The following NRAP variants were observed in gnomAD, a reference collection of about 807,000 sequenced individuals.
The protein encoded by NRAP is nebulin related anchoring protein, also known as nebulin-related-anchoring protein.
A neutral mutation model predicts 225.9 loss-of-function variants in NRAP; 189 were observed. The ratio of observed to expected loss-of-function variants is 0.84; its 90% CI spans 0.74 to 0.94. NRAP has a LOEUF of 0.94. Among genes scored for constraint, NRAP ranks in the 40% least tolerant of loss-of-function variants. NRAP has a pLI of 0.00. For missense variants in NRAP, 2,176 were observed against 2,168.7 expected (o/e 1.00, Z -0.07); for synonymous variants, 769 against 790.7 (o/e 0.97, Z 0.46).
In NRAP at chr10:113,652,975, G is replaced by A; in HGVS notation, c.530C>T (p.Ala177Val). Residue 177 changes from alanine (A) to valine (V), a missense_variant, in exon 6 of 42, where the codon GCT becomes GTT. By Grantham distance (64) the Ala-to-Val change is moderately conservative. Around this residue, in one of 3 missense-constraint regions of NRAP, gnomAD observed 1,708 missense variants for 1,695.5 expected, o/e 1.01. Transcript: ENST00000359988. ...KGSFPAMITP[A>V]YQRAKKANQL... ...GTTGGCTTTCTTGGCCCTTTGATAA[G>A]CAGGTGTGATCATGGCTGGAAAGCT... 6.2e-7 allele frequency: 1 copy of A among 1,613,322 alleles called. No individual in the cohort carries two copies. Among genetic ancestry groups the A allele is most frequent in the Non-Finnish European group, 8.5e-7 (1 of 1,179,760 alleles).
intron 11 of NRAP, among the ~76,000 whole-genome samples, chr10:113,645,269 T>C (rs992345980): frequency 2.6e-5 from 4 of 152,226 alleles, no homozygotes; most frequent in Non-Finnish European, 4.4e-5. Flanking sequence ...TTGACAGCCC[T>C]GGGAGGATTT....
Position 113,629,630 on chromosome 10 carries a change from C to G in NRAP, c.1998G>C (p.Met666Ile). 1 of 1,614,100 alleles carries G rather than the reference C, an allele frequency of 6.2e-7. No homozygotes were observed. Among genetic ancestry groups the G allele is most frequent in the African/African-American group, 1.3e-5 (1 of 75,060 alleles). The change falls in exon 19 of 42, where the codon ATG (methionine) becomes ATC (isoleucine). Residue 666 changes from methionine to isoleucine, a missense_variant. Physicochemically the swap from Met to Ile is conservative, Grantham distance 10 (BLOSUM62 1). Around this residue, in one of 3 missense-constraint regions of NRAP, gnomAD observed 1,708 missense variants for 1,695.5 expected, o/e 1.01. Transcript: ENST00000359988. The stretch of plus-strand genomic sequence containing the variant: ...AGGCCTTCTTGGCCCACTGAGTCTT[C>G]ATATCTTCAGGCAGCACAGTGTATT... Reference protein sequence around the residue: ...LHEYTVLPEDMKTQWAKKAYG... With the variant: ...LHEYTVLPEDIKTQWAKKAYG...
chr10:113,641,360 C>T lies in NRAP; in HGVS notation c.1323+5G>A. On this transcript the variant is annotated splice_donor_5th_base_variant and intron_variant, in intron 13 of 41. Transcript: ENST00000359988. ...CCCAACAGACCCTGGCATAAAAGGA[C>T]TCACGTTGCTTGCCAGGCTGCCAAC... 1 of 1,594,764 alleles carries T rather than the reference C, an allele frequency of 6.3e-7. No individual in the cohort carries two copies. Among genetic ancestry groups the T allele is most frequent in the South Asian group, 1.1e-5 (1 of 90,520 alleles).
At chr10:113,624,256 A>C (rs1848162491) in intron 22 of NRAP, among the ~76,000 whole-genome samples, 1 of 152,198 alleles carries the variant, frequency 6.6e-6, no homozygotes, top group African/African-American at 2.4e-5. Context: ...GAGCCAAGAA[A>C]ACACTTTCCC....
Position 113,590,728 on chromosome 10 carries a change from G to C in NRAP, c.4806C>G (p.Ser1602Arg). Residue 1602 changes from serine to arginine, a missense_variant, in exon 40 of 42, where the codon AGC becomes AGG. Around this residue, in one of 3 missense-constraint regions of NRAP, gnomAD observed 445 missense variants for 426.1 expected, o/e 1.04. Coordinates refer to ENST00000359988, the MANE Select transcript of NRAP (RefSeq NM_198060.4). ...DFAKSRSQFH[S>R]STDQPGLLQA... ...GAAGGAGGCCGGGCTGGTCTGTGCT[G>C]CTGTGAAACTGGGACCGACTCTTGG... 2 of 1,614,206 alleles carry C rather than the reference G, an allele frequency of 1.2e-6. No homozygotes were observed. Among genetic ancestry groups the C allele is most frequent in the Non-Finnish European group, 1.7e-6 (2 of 1,180,036 alleles).
chr10:113,638,340 TC>T (rs1849001041), intron 14 of NRAP, among the ~76,000 whole-genome samples: 2 of 152,222 alleles, frequency 1.3e-5, no homozygotes, highest in South Asian at 4.1e-4. Context: ...GGTTTTTTTT[TC>T]TTTTTGCTAA....
chr10:113,654,578 T>C (rs1484148803), intron 4 of NRAP, among the ~76,000 whole-genome samples: 1 of 149,584 alleles, frequency 6.7e-6, no homozygotes, highest in Non-Finnish European at 1.5e-5. Context: ...CCTTGGGAGA[T>C]AAAACTAACA....
intron 8 of NRAP, 47 bp downstream of exon 8, chr10:113,650,391 A>T (rs373976173): frequency 5.0e-4 from 696 of 1,385,284 alleles, no homozygotes; most frequent in Non-Finnish European, 6.7e-4. Context: ...ACCCAGGTTC[A>T]CATTCCTCTT....
At chr10:113,609,861 T>C (rs1174549353) in intron 31 of NRAP, among the ~76,000 whole-genome samples, 1 of 151,552 alleles carries the variant, frequency 6.6e-6, no homozygotes, top group African/African-American at 2.4e-5. Flanking sequence ...ACAGAGAGAA[T>C]ATCGCATGGG....
At chr10:113,633,315 C>A in intron 15 of NRAP, 127 bp from the exon 16 acceptor site, 1 of 598,798 alleles carries the variant, frequency 1.7e-6, no homozygotes. Context: ...TTTTACAAGG[C>A]AGCCTGTACT....
chr10:113,623,670 T>G, intron 22 of NRAP, 34 bp from the exon 23 acceptor site: 2 of 1,430,450 alleles, frequency 1.4e-6, no homozygotes, highest in Non-Finnish European at 2.0e-6. Flanking sequence ...TGAGTGGGTT[T>G]TCATGTGAGA....
At chr10:113,620,784 C>G in intron 24 of NRAP, 76 bp from the exon 25 acceptor site, 1 of 980,992 alleles carries the variant, frequency 1.0e-6, no homozygotes, top group South Asian at 1.3e-5. Flanking sequence ...ATTAGCGGCT[C>G]CCAACACAGC....
chr10:113,659,554 C>T (rs1389982443), intron 3 of NRAP, among the ~76,000 whole-genome samples: 1 of 152,042 alleles, frequency 6.6e-6, no homozygotes, highest in Admixed American at 6.5e-5. Flanking sequence ...AGGGACCTTT[C>T]GTGAGATTCA....
At chr10:113,611,304 C>A (rs941998964) in intron 30 of NRAP, among the ~76,000 whole-genome samples, 3 of 152,130 alleles carry the variant, frequency 2.0e-5, no homozygotes, top group Admixed American at 6.5e-5. Flanking sequence ...GGCGTAAAAT[C>A]CAAACAGACG....
intron 20 of NRAP, among the ~76,000 whole-genome samples, chr10:113,628,027 A>G (rs1257988073): frequency 1.3e-5 from 2 of 152,194 alleles, no homozygotes; most frequent in Non-Finnish European, 2.9e-5. Context: ...GAAGATTCCA[A>G]ACAAAGTTCC....
Position 113,608,575 on chromosome 10 carries a change from C to T in NRAP, c.3604-63G>A, listed in dbSNP as rs540921899. 150 of 1,075,230 alleles carry T rather than the reference C, an allele frequency of 1.4e-4. No homozygotes were observed. In the East Asian group the frequency reaches 3.2e-3, roughly 23 times the overall value. The allele number at this position is 1,075,230 out of a possible 1,614,324, so 66.6% of individuals were successfully genotyped here. On this transcript the variant is annotated intron_variant, in intron 31 of 41. Transcript: ENST00000359988. ...TAAGGGATAAAAACCAGAAGCAGAA[C>T]CAGTTCTTTAAGTATTAGCCATAAA...
intron 38 of NRAP, among the ~76,000 whole-genome samples, chr10:113,594,805 G>A (rs978056106): frequency 6.6e-6 from 1 of 152,232 alleles, no homozygotes; most frequent in Admixed American, 6.5e-5. Flanking sequence ...AGCCACCTCT[G>A]GGGTGAACGG....
intron 36 of NRAP, 102 bp from the exon 37 acceptor site, chr10:113,597,286 A>G (rs1001385859): frequency 3.6e-5 from 27 of 749,728 alleles, no homozygotes; most frequent in Non-Finnish European, 4.1e-5. Flanking sequence ...CATGCCAATC[A>G]TATTGTTGGA....
chr10:113,597,810 A>C (rs925559156), intron 36 of NRAP, among the ~76,000 whole-genome samples, 159 bp downstream of exon 36: 21 of 152,340 alleles, frequency 1.4e-4, no homozygotes, highest in African/African-American at 4.8e-4. Context: ...GGGAAACCTC[A>C]TTCTGTCTTG....
Sources: gnomAD v4.1 joint callset for allele counts (sites outside exome capture counted in the v4.1 genomes callset) on GRCh38, gnomAD v4.1.1 for gene constraint, gnomAD v4.1.1 regional missense constraint, MANE v1.5 for transcripts, NCBI Gene and HGNC (gene_info 2026-07-23, HGNC 2026-07-21) for gene names.